The following TTC7B variants were observed in gnomAD, a reference collection of about 807,000 sequenced individuals.
The protein encoded by TTC7B is tetratricopeptide repeat protein 7B.
In TTC7B, 28 loss-of-function variants were observed where a neutral mutation model predicts 106.8. That is an observed-to-expected ratio of 0.26 (90% confidence interval 0.19 to 0.36). The LOEUF is 0.36. Ranked by LOEUF, TTC7B falls within the 10% of genes least tolerant of loss-of-function variation. The pLI is 1.00. For synonymous variants in TTC7B, 405 were observed against 430.6 expected (o/e 0.94, Z 0.74); for missense variants, 862 against 1,076.4 (o/e 0.80, Z 2.79).
intron 18 of TTC7B, among the ~76,000 whole-genome samples, chr14:90,581,356 C>T (rs763829327): frequency 1.3e-5 from 2 of 152,178 alleles, no homozygotes; most frequent in Admixed American, 1.3e-4. Flanking sequence ...ATTTCTCTGT[C>T]CTTTAGTTTG....
intron 7 of TTC7B, among the ~76,000 whole-genome samples, chr14:90,684,578 G>A (rs1887183063): frequency 6.6e-6 from 1 of 152,140 alleles, no homozygotes; most frequent in Non-Finnish European, 1.5e-5. Flanking sequence ...GAAGAAATAT[G>A]GGTGAATAGT....
chr14:90,655,177 G>T, intron 11 of TTC7B, 67 bp from the exon 12 acceptor site: 1 of 1,201,678 alleles, frequency 8.3e-7, no homozygotes, highest in Non-Finnish European at 1.2e-6. Flanking sequence ...TCCCATAAGC[G>T]TCTGCTGCCA....
At position 90,802,559 on chromosome 14, in the gene TTC7B, T is replaced by C. The variant is rs2030338996; in HGVS notation, c.121+13616A>G. ...AATTGCTTTTATTTCCTCAGTAAAG[T>C]ATGAGGCAAGGTCATGAGCTAGGCA... On this transcript the variant is annotated intron_variant, in intron 1 of 19. Coordinates refer to ENST00000328459, the MANE Select transcript of TTC7B (RefSeq NM_001010854.2). The surrounding 1 kb of genome is among the most constrained non-coding windows in gnomAD (Gnocchi z 4.7). Among the ~76,000 whole-genome samples, 1 of 152,008 alleles carries C rather than the reference T, an allele frequency of 6.6e-6. No individual in the cohort carries two copies. The highest frequency in any genetic ancestry group is 2.1e-4 in the South Asian group (1 of 4,820).
chr14:90,747,278 G>A (rs570619183), intron 3 of TTC7B, among the ~76,000 whole-genome samples: 11 of 152,326 alleles, frequency 7.2e-5, no homozygotes, highest in African/African-American at 2.6e-4. Context: ...GGAGAATTAA[G>A]CACTGTCTAT....
chr14:90,766,170 C>T (rs1186984173), intron 3 of TTC7B, among the ~76,000 whole-genome samples: 5 of 147,056 alleles, frequency 3.4e-5, no homozygotes, highest in Admixed American at 1.4e-4. Context: ...AAACAGCAAA[C>T]CCTGAGAATG....
At chr14:90,562,038 C>A (rs1422124468) in intron 19 of TTC7B, among the ~76,000 whole-genome samples, 1 of 152,172 alleles carries the variant, frequency 6.6e-6, no homozygotes, top group African/African-American at 2.4e-5. Flanking sequence ...ATATCTCAGG[C>A]AGTCTTGTCT....
chr14:90,737,498 G>A lies in TTC7B; in HGVS notation c.576+7294C>T, dbSNP rs536562425. The stretch of plus-strand genomic sequence containing the variant: ...CATGAATGAATTTTCAGAACGTGAT[G>A]CTATGCCAAAGAAGCCAGCCATAAA... On this transcript the variant is annotated intron_variant, in intron 4 of 19. Coordinates refer to ENST00000328459, the MANE Select transcript of TTC7B (RefSeq NM_001010854.2). 1.4e-3 allele frequency among the ~76,000 whole-genome samples: 212 copies of A among 150,184 alleles called. 1 individual carries two copies. Among genetic ancestry groups the A allele is most frequent in the African/African-American group, 5.1e-3 (207 of 40,934 alleles).
At chr14:90,733,443 T>C (rs12886812) in intron 4 of TTC7B, among the ~76,000 whole-genome samples, 38,444 of 152,048 alleles carry the variant, frequency 0.25, 5,609 homozygotes, top group East Asian at 0.38. Context: ...AGGTTATAAA[T>C]GGGAGAATGG....
chr14:90,531,308 CGCCTG>C lies in TTC7B; in HGVS notation c.*10055_*10059del, dbSNP rs1167654926. The C allele has an allele frequency of 6.6e-6, 1 of 152,128 alleles. No individual in the cohort carries two copies. Among genetic ancestry groups the C allele is most frequent in the Non-Finnish European group, 1.5e-5 (1 of 68,054 alleles). The allele number at this position is 152,128 out of a possible 1,614,324, so 9.4% of individuals were successfully genotyped here. A position where few individuals can be genotyped will look rare whatever the true frequency, so the allele number is the denominator to read the frequency against. On this transcript the variant is annotated 3_prime_UTR_variant, in exon 20 of 20. Transcript: ENST00000328459. ...AAAAACAGCTGGGCACAGTGGCTCA[CGCCTG>C]TAATCCCAGCACTTTGGGAGGCTGA...
At chr14:90,651,421 A>G (rs1885710693) in intron 13 of TTC7B, among the ~76,000 whole-genome samples, 2 of 152,232 alleles carry the variant, frequency 1.3e-5, no homozygotes, top group South Asian at 4.1e-4. Flanking sequence ...ATTCAGGCCA[A>G]TGGAGCAGCT....
chr14:90,586,169 C>A (rs756995375), intron 18 of TTC7B, among the ~76,000 whole-genome samples: 10 of 152,218 alleles, frequency 6.6e-5, no homozygotes, highest in Non-Finnish European at 1.5e-4. Flanking sequence ...CGCATGGGCT[C>A]CTTCCTGCCC....
At chr14:90,554,657 T>C (rs1265305731) in intron 19 of TTC7B, among the ~76,000 whole-genome samples, 2 of 152,174 alleles carry the variant, frequency 1.3e-5, no homozygotes, top group Non-Finnish European at 2.9e-5. Flanking sequence ...CCCCAGAGCC[T>C]CAGTCATTCA....
At chr14:90,751,318 A>G (rs1301905178) in intron 3 of TTC7B, among the ~76,000 whole-genome samples, 1 of 152,142 alleles carries the variant, frequency 6.6e-6, no homozygotes, top group Non-Finnish European at 1.5e-5. Context: ...GCAACCCAAA[A>G]TTTATCTCCC....
intron 5 of TTC7B, among the ~76,000 whole-genome samples, chr14:90,712,006 G>C (rs1211851361): frequency 3.9e-5 from 6 of 152,046 alleles, no homozygotes; most frequent in Non-Finnish European, 8.8e-5. Flanking sequence ...ATGTATAAGA[G>C]ATAGAGACAC....
At chr14:90,774,991 C>T (rs567533762) in intron 3 of TTC7B, among the ~76,000 whole-genome samples, 24 of 151,602 alleles carry the variant, frequency 1.6e-4, no homozygotes, top group Admixed American at 1.6e-3. Flanking sequence ...TACAGTGAGC[C>T]GAGATTGCGC....
rs116597838 is a variant in TTC7B, at chr14:90,744,209, C to G, written c.576+583G>C. 7.6e-3 allele frequency among the ~76,000 whole-genome samples: 1,153 copies of G among 152,326 alleles called. 14 individuals carry two copies. The highest frequency in any genetic ancestry group is 0.027 in the African/African-American group (1,111 of 41,578). Reference sequence around the variant, plus strand: ...TTATTAGGAAGACAGGGGTGGCTGGCCAGCTTCAGGGTGCTGAAGGTATGA... The same window carrying G: ...TTATTAGGAAGACAGGGGTGGCTGGGCAGCTTCAGGGTGCTGAAGGTATGA... On this transcript the variant is annotated intron_variant, in intron 4 of 19. Transcript: ENST00000328459.
intron 19 of TTC7B, among the ~76,000 whole-genome samples, chr14:90,576,611 A>G (rs1416432666): frequency 6.6e-6 from 1 of 152,192 alleles, no homozygotes; most frequent in Non-Finnish European, 1.5e-5. Flanking sequence ...TAGGAGCCCA[A>G]TTCACCTAAA....
intron 15 of TTC7B, among the ~76,000 whole-genome samples, chr14:90,638,432 GC>G (rs1474648115): frequency 6.6e-6 from 1 of 151,952 alleles, no homozygotes; most frequent in Middle Eastern, 3.2e-3. Context: ...CTATACCTTC[GC>G]AACAAGTACA....
At chr14:90,587,867 C>A (rs774209916) in intron 18 of TTC7B, among the ~76,000 whole-genome samples, 1 of 152,140 alleles carries the variant, frequency 6.6e-6, no homozygotes, top group Non-Finnish European at 1.5e-5. Context: ...TCTTTAGCCA[C>A]GTAACCTTCG....
Sources: gnomAD v4.1 joint callset for allele counts (sites outside exome capture counted in the v4.1 genomes callset) on GRCh38, gnomAD v4.1.1 for gene constraint, Gnocchi (gnomAD v3.1) non-coding constraint, MANE v1.5 for transcripts, NCBI Gene and HGNC (gene_info 2026-07-23, HGNC 2026-07-21) for gene names.